Variants in NAV2 observed in about 807,000 individuals in gnomAD.
The protein encoded by NAV2 is helicase, APC down-regulated 1.
NAV2 carries 54 observed loss-of-function variants against 223.2 expected under a neutral mutation model. The observed-to-expected ratio is 0.24, with a 90% CI of 0.19 to 0.30. NAV2 has a LOEUF of 0.30. Ranked by LOEUF, NAV2 falls within the 10% of genes least tolerant of loss-of-function variation. The probability of loss-of-function intolerance (pLI) is 1.00; values close to 1 mark genes in which losing one functional copy is unlikely to be tolerated. For missense variants in NAV2, 2,806 were observed against 3,147.5 expected, an observed-to-expected ratio of 0.89 and a Z score of 2.60; for synonymous variants, 1,279 against 1,239.3, an observed-to-expected ratio of 1.03 and a Z score of -0.67.
At chr11:20,017,321 G>A (rs562895007) in intron 11 of NAV2, among the ~76,000 whole-genome samples, 2 of 152,122 alleles carry the variant, frequency 1.3e-5, no homozygotes, top group Non-Finnish European at 2.9e-5. Flanking sequence ...CTCTCCCTCT[G>A]GTCTCTGCAC....
intron 11 of NAV2, among the ~76,000 whole-genome samples, chr11:19,990,466 G>T (rs1316017143): frequency 6.6e-6 from 1 of 151,972 alleles, no homozygotes; most frequent in Non-Finnish European, 1.5e-5. Context: ...TTGGGGATCT[G>T]TAGGGCCTCC....
intron 2 of NAV2, among the ~76,000 whole-genome samples, chr11:19,838,315 T>G (rs540635086): frequency 6.6e-6 from 1 of 151,386 alleles, no homozygotes; most frequent in East Asian, 2.0e-4. Flanking sequence ...TATGATGGAG[T>G]GGGGATGGTG....
intron 1 of NAV2, among the ~76,000 whole-genome samples, chr11:19,613,623 C>G (rs1211625000): frequency 1.3e-5 from 2 of 152,192 alleles, no homozygotes; most frequent in African/African-American, 4.8e-5. Flanking sequence ...CTCTCCAGGA[C>G]TTGCAGGGGT....
intron 10 of NAV2, among the ~76,000 whole-genome samples, chr11:19,965,124 T>C (rs7119281): frequency 0.58 from 87,948 of 151,770 alleles, 26,192 homozygotes; most frequent in African/African-American, 0.7. Flanking sequence ...CAGCCTCCTA[T>C]TTTAATCTCT....
chr11:19,522,752 T>G (rs2043706091), intron 1 of NAV2, among the ~76,000 whole-genome samples: 1 of 152,246 alleles, frequency 6.6e-6, no homozygotes. Context: ...TGCTGTGTTA[T>G]TCTGTAGAAG....
chr11:20,068,053 G>T (rs1339866243), intron 20 of NAV2, 133 bp from the exon 21 acceptor site: 2 of 831,900 alleles, frequency 2.4e-6, no homozygotes. Context: ...TTTTTCCAGA[G>T]AAATACACCA....
Position 19,732,314 on chromosome 11 carries a change from G to A in NAV2, c.267+18352G>A, listed in dbSNP as rs185637750. Among the ~76,000 whole-genome samples the A allele has an allele frequency of 3.7e-4, 56 of 151,660 alleles. No individual in the cohort carries two copies. In the East Asian group the frequency reaches 8.5e-3, roughly 23 times the overall value. Reference sequence around the variant, plus strand: ...AATTCAAACAGGCCTGGGTTTCAGCGCCATCTCTACTGTGTGACCTCAAGT... The same window carrying A: ...AATTCAAACAGGCCTGGGTTTCAGCACCATCTCTACTGTGTGACCTCAAGT... On this transcript the variant is annotated intron_variant, in intron 1 of 37. Transcript: ENST00000349880.
At chr11:19,723,898 A>C (rs2050992569) in intron 1 of NAV2, among the ~76,000 whole-genome samples, 1 of 152,190 alleles carries the variant, frequency 6.6e-6, no homozygotes, top group Non-Finnish European at 1.5e-5. Flanking sequence ...TTTACTTCAA[A>C]ATGTGTGGGC....
rs1199569879 is a variant in NAV2, at chr11:19,933,379, C to T, written c.1135C>T (p.Pro379Ser). ...ATVSMLSVKPPGPEAPRPTPE... is the reference protein window; with the variant it reads ...ATVSMLSVKPSGPEAPRPTPE... The stretch of plus-strand genomic sequence containing the variant: ...GGTATCCATGCTCTCGGTCAAGCCT[C>T]CTGGGCCTGAGGCCCCCAGGCCCAC... The change falls in exon 7 of 38, where the codon CCT becomes TCT. Residue 379 changes from proline (P) to serine (S), a missense_variant. Around this residue, in one of 4 missense-constraint regions of NAV2, gnomAD observed 1,167 missense variants for 1,180.5 expected, o/e 0.99. Transcript: ENST00000349880. The surrounding 1 kb of genome is among the most constrained non-coding windows in gnomAD (Gnocchi z 4.3). 6.3e-7 allele frequency: 1 copy of T among 1,587,572 alleles called. No homozygotes were observed. The highest frequency in any genetic ancestry group is 8.6e-7 in the Non-Finnish European group (1 of 1,165,648).
intron 1 of NAV2, among the ~76,000 whole-genome samples, chr11:19,572,821 A>T (rs963962406): frequency 3.3e-4 from 50 of 152,164 alleles, no homozygotes; most frequent in Admixed American, 3.0e-3. Context: ...CATGGTAGGG[A>T]CTTGATAAAT....
chr11:19,738,378 T>G (rs1255982827), intron 1 of NAV2, among the ~76,000 whole-genome samples: 4 of 152,240 alleles, frequency 2.6e-5, no homozygotes. Context: ...TTTCCAGTTC[T>G]GTAGATGTAG....
intron 37 of NAV2, among the ~76,000 whole-genome samples, chr11:20,115,785 T>C (rs7110504): frequency 0.19 from 29,185 of 151,650 alleles, 4,119 homozygotes; most frequent in East Asian, 0.38. Flanking sequence ...TGGTGGCACA[T>C]GCCTATAGTC....
intron 1 of NAV2, among the ~76,000 whole-genome samples, chr11:19,780,425 G>A (rs894601722): frequency 2.6e-5 from 4 of 152,256 alleles, no homozygotes; most frequent in Non-Finnish European, 5.9e-5. Flanking sequence ...GAGAAACAAT[G>A]AGGCCACTTA....
chr11:20,006,629 C>A (rs563964009), intron 11 of NAV2, among the ~76,000 whole-genome samples: 7 of 151,996 alleles, frequency 4.6e-5, no homozygotes, highest in African/African-American at 1.7e-4. Context: ...GAGCCAAGAT[C>A]GCACCATTGC....
intron 1 of NAV2, among the ~76,000 whole-genome samples, chr11:19,777,093 A>ACCCCCCCCCCCCCCCCC (rs1166485329): frequency 1.6e-5 from 2 of 126,156 alleles, no homozygotes; most frequent in African/African-American, 5.6e-5. Context: ...CCAGCCGCCG[A>ACCCCCCCCCCCCCCCCC]CCCCCCCCCC....
At chr11:19,932,471 A>G (rs1591302577) in intron 6 of NAV2, among the ~76,000 whole-genome samples, 1 of 152,090 alleles carries the variant, frequency 6.6e-6, no homozygotes, top group African/African-American at 2.4e-5. Context: ...GGCATGTGCC[A>G]CCACACCCAG....
At chr11:19,971,067 A>G (rs2049195716) in intron 10 of NAV2, among the ~76,000 whole-genome samples, 1 of 152,162 alleles carries the variant, frequency 6.6e-6, no homozygotes, top group African/African-American at 2.4e-5. Flanking sequence ...GCAGACCATC[A>G]TGGTGTGGGA....
chr11:20,095,074 A>G (rs1477860074), intron 29 of NAV2, among the ~76,000 whole-genome samples: 8 of 152,260 alleles, frequency 5.3e-5, no homozygotes, highest in Non-Finnish European at 1.0e-4. Context: ...AGTTTTAACA[A>G]GAATAAAAAC....
chr11:19,629,965 C>A lies in NAV2; in HGVS notation c.76-202519C>A, dbSNP rs7116206. Among the ~76,000 whole-genome samples the A allele has an allele frequency of 5.6e-4, 86 of 152,218 alleles. 1 individual carries two copies. The highest frequency in any genetic ancestry group is 2.0e-3 in the African/African-American group (83 of 41,538). On this transcript the variant is annotated intron_variant, in intron 1 of 37. Coordinates refer to the NAV2 transcript ENST00000360655. ...CATAAGCTGTCATGTGCACCTCTAC[C>A]AAAATTCTGTACCCTCTGATTTATG...
Sources: allele counts gnomAD v4.1 joint callset (sites outside exome capture counted in the v4.1 genomes callset), GRCh38; gene constraint gnomAD v4.1.1; regional missense constraint gnomAD v4.1.1; non-coding constraint Gnocchi (gnomAD v3.1); transcripts MANE v1.5; gene names NCBI Gene and HGNC (gene_info 2026-07-23, HGNC 2026-07-21).